Variants in ZEB1 observed in about 807,000 individuals in gnomAD.
The protein encoded by ZEB1 is zinc finger E-box binding homeobox 1.
A neutral mutation model predicts 84.9 loss-of-function variants in ZEB1; 21 were observed. The ratio of observed to expected loss-of-function variants is 0.25; its 90% CI spans 0.18 to 0.36. The LOEUF (loss-of-function observed/expected upper bound fraction) is 0.36, where lower values mean the gene tolerates loss of function less well. Ranked by LOEUF, ZEB1 falls within the 10% of genes least tolerant of loss-of-function variation. The probability of loss-of-function intolerance (pLI) is 1.00; values close to 1 mark genes in which losing one functional copy is unlikely to be tolerated. For missense variants in ZEB1, 1,104 were observed against 1,330.2 expected (o/e 0.83, Z 2.65); for synonymous variants, 420 against 471.1 (o/e 0.89, Z 1.41).
At chr10:31,457,295 G>A (rs947604305) in intron 1 of ZEB1, among the ~76,000 whole-genome samples, 16 of 152,058 alleles carry the variant, frequency 1.1e-4, no homozygotes, top group Admixed American at 6.6e-5. Context: ...TGCTTTTGGT[G>A]GTGGGCCATT....
chr10:31,337,535 G>T (rs2038390109), intron 1 of ZEB1, among the ~76,000 whole-genome samples: 1 of 151,484 alleles, frequency 6.6e-6, no homozygotes, highest in Non-Finnish European at 1.5e-5. Flanking sequence ...TGATTTTTGG[G>T]GGAACTCAGT....
rs1304408905 is a variant in ZEB1, at chr10:31,507,196, A to G, written c.485-3477A>G. On this transcript the variant is annotated intron_variant, in intron 4 of 8. Coordinates refer to ENST00000424869, the MANE Select transcript of ZEB1 (RefSeq NM_001174096.2). ...TTGCCTATAAAGTTTCTGCTGATAA[A>G]CTGCTATTAGTCGTATGGAGGTTCC... Among the ~76,000 whole-genome samples the G allele has an allele frequency of 7.9e-5, 12 of 152,066 alleles. No homozygotes were observed. In the East Asian group the frequency reaches 2.3e-3, roughly 29 times the overall value.
At chr10:31,349,227 C>T (rs61490813) in intron 1 of ZEB1, among the ~76,000 whole-genome samples, 7,869 of 152,158 alleles carry the variant, frequency 0.052, 583 homozygotes, top group East Asian at 0.18. Context: ...CAGGTTCATC[C>T]GTGTCGTTGC....
At chr10:31,439,988 G>T (rs941337773) in intron 1 of ZEB1, among the ~76,000 whole-genome samples, 5 of 152,156 alleles carry the variant, frequency 3.3e-5, no homozygotes, top group African/African-American at 1.2e-4. Context: ...GTGGCAGCAC[G>T]GAGACCAGAT....
intron 1 of ZEB1, among the ~76,000 whole-genome samples, chr10:31,449,684 C>T (rs1283426605): frequency 1.3e-5 from 2 of 152,004 alleles, no homozygotes; most frequent in African/African-American, 2.4e-5. Context: ...AATCTATTTC[C>T]ATTTCTGTAG....
At chr10:31,502,141 T>A (rs772852020) in intron 3 of ZEB1, among the ~76,000 whole-genome samples, 2 of 152,206 alleles carry the variant, frequency 1.3e-5, no homozygotes, top group Non-Finnish European at 2.9e-5. Flanking sequence ...TTTCACACAT[T>A]CATAGCATTT....
chr10:31,474,250 A>G (rs1343626201), intron 2 of ZEB1, among the ~76,000 whole-genome samples: 1 of 151,650 alleles, frequency 6.6e-6, no homozygotes, highest in Non-Finnish European at 1.5e-5. Flanking sequence ...CAGCAAAGGA[A>G]ACTACCATCA....
intron 2 of ZEB1, among the ~76,000 whole-genome samples, chr10:31,471,423 G>C (rs1471495398): frequency 6.6e-6 from 1 of 151,582 alleles, no homozygotes; most frequent in East Asian, 1.9e-4. Context: ...CCTAGTCTCT[G>C]ATAAAACAGA....
intron 2 of ZEB1, among the ~76,000 whole-genome samples, chr10:31,491,333 T>G (rs941764374): frequency 2.0e-5 from 3 of 151,880 alleles, no homozygotes; most frequent in African/African-American, 7.2e-5. Context: ...AGAGGAAGTT[T>G]TCCCTCCCTC....
At chr10:31,444,156 A>G (rs1197308837) in intron 1 of ZEB1, among the ~76,000 whole-genome samples, 1 of 150,190 alleles carries the variant, frequency 6.7e-6, no homozygotes, top group Non-Finnish European at 1.5e-5. Flanking sequence ...CATTTCTCTG[A>G]TGGCTAGTGA....
Position 31,364,116 on chromosome 10 carries a change from C to G in ZEB1, c.58+44824C>G, listed in dbSNP as rs59810776. Among the ~76,000 whole-genome samples the G allele has an allele frequency of 1.0e-2, 1,517 of 152,340 alleles. 23 individuals are homozygous for G. Among genetic ancestry groups the G allele is most frequent in the African/African-American group, 0.035 (1,443 of 41,576 alleles). On this transcript the variant is annotated intron_variant, in intron 1 of 8. Coordinates refer to ENST00000424869, the MANE Select transcript of ZEB1 (RefSeq NM_001174096.2). Reference sequence around the variant, plus strand: ...GGAGAGGATACTCCTAAGTCACCCACTTCTCTGTGGCTGGGTGCACACTGG... The same window carrying G: ...GGAGAGGATACTCCTAAGTCACCCAGTTCTCTGTGGCTGGGTGCACACTGG...
intron 8 of ZEB1, among the ~76,000 whole-genome samples, chr10:31,524,704 C>T (rs1430239070): frequency 6.6e-6 from 1 of 151,912 alleles, no homozygotes; most frequent in African/African-American, 2.4e-5. Flanking sequence ...CAAGCTTATG[C>T]TATATTAATA....
At chr10:31,352,588 C>A (rs1345260106) in intron 1 of ZEB1, among the ~76,000 whole-genome samples, 3 of 152,120 alleles carry the variant, frequency 2.0e-5, no homozygotes, top group Non-Finnish European at 4.4e-5. Flanking sequence ...GAGGGCAGTC[C>A]ACAGTGGCCT....
intron 1 of ZEB1, among the ~76,000 whole-genome samples, chr10:31,436,363 A>G (rs1294422789): frequency 6.6e-6 from 1 of 152,220 alleles, no homozygotes; most frequent in African/African-American, 2.4e-5. Flanking sequence ...TGAAGTCTTT[A>G]ATAATTCATT....
intron 7 of ZEB1, 71 bp downstream of exon 7, chr10:31,522,007 A>G (rs1399784748): frequency 1.2e-6 from 2 of 1,602,234 alleles, no homozygotes; most frequent in Non-Finnish European, 1.7e-6. Flanking sequence ...AACTTTGTCT[A>G]ATAAATATCA....
intron 1 of ZEB1, among the ~76,000 whole-genome samples, chr10:31,333,959 G>A (rs1199135876): frequency 6.6e-6 from 1 of 152,016 alleles, no homozygotes; most frequent in African/African-American, 2.4e-5. Flanking sequence ...CCGAGAGAGT[G>A]AGGGTCACTC....
chr10:31,391,844 A>G (rs1210159486), intron 1 of ZEB1, among the ~76,000 whole-genome samples: 5 of 152,152 alleles, frequency 3.3e-5, no homozygotes. Flanking sequence ...TATTTTGTAT[A>G]TATGTGTTTT....
At chr10:31,522,776 A>G (rs2072685200) in intron 7 of ZEB1, among the ~76,000 whole-genome samples, 1 of 152,230 alleles carries the variant, frequency 6.6e-6, no homozygotes, top group African/African-American at 2.4e-5. Flanking sequence ...AATATTTTCT[A>G]TAAGTATAAT....
In ZEB1 at chr10:31,521,480, T is replaced by G; in HGVS notation, c.2148T>G (p.Asn716Lys). ...PSPLNLSSSR[N>K]TQGYLYTAEG... ...CTCTAAACCTTTCCTCATCCAGAAATACACAGGGTTACTTGTACACAGCTG... is the reference window on the plus strand; with the variant it reads ...CTCTAAACCTTTCCTCATCCAGAAAGACACAGGGTTACTTGTACACAGCTG... Residue 716 changes from asparagine to lysine, a missense_variant, in exon 7 of 9, where the codon AAT becomes AAG. Asn to Lys is a moderately conservative substitution (Grantham distance 94). Transcript: ENST00000424869. The G allele has an allele frequency of 6.2e-7, 1 of 1,614,064 alleles. No homozygotes were observed.
Sources: allele counts gnomAD v4.1 joint callset (sites outside exome capture counted in the v4.1 genomes callset), GRCh38; gene constraint gnomAD v4.1.1; transcripts MANE v1.5; gene names NCBI Gene and HGNC (gene_info 2026-07-23, HGNC 2026-07-21).